Variants in NAV2 observed in about 807,000 individuals in gnomAD.
NAV2 encodes the protein neuron navigator 2.
A neutral mutation model predicts 223.2 loss-of-function variants in NAV2; 54 were observed. The observed-to-expected ratio is 0.24, with a 90% CI of 0.19 to 0.30. The LOEUF is 0.30. Ranked by LOEUF, NAV2 falls within the 10% of genes least tolerant of loss-of-function variation. NAV2 has a pLI of 1.00. For missense variants in NAV2, 2,806 were observed against 3,147.5 expected (o/e 0.89, Z 2.60); for synonymous variants, 1,279 against 1,239.3 (o/e 1.03, Z -0.67).
chr11:20,068,379 C>T lies in NAV2; in HGVS notation c.4964C>T (p.Thr1655Ile). 6.2e-7 allele frequency: 1 copy of T among 1,613,840 alleles called. No homozygotes were observed. Among genetic ancestry groups the T allele is most frequent in the East Asian group, 2.2e-5 (1 of 44,888 alleles). The change falls in exon 22 of 38, where the codon ACC (threonine) becomes ATC (isoleucine). Residue 1655 changes from threonine (T) to isoleucine (I), a missense_variant. Coordinates refer to ENST00000349880, the MANE Select transcript of NAV2 (RefSeq NM_145117.5). ...DASQEKVSAL[T>I]TQLTANAHLV... ...TCCCAGGAGAAAGTTTCAGCTTTGA[C>T]CACCCAGCTGACAGCAAATGTAAGT...
chr11:19,800,306 G>A (rs2058164941), intron 1 of NAV2, among the ~76,000 whole-genome samples: 1 of 152,138 alleles, frequency 6.6e-6, no homozygotes, highest in African/African-American at 2.4e-5. Context: ...CTAGCACTTG[G>A]GGAGCAGCCC....
chr11:19,668,201 T>G (rs954584072), intron 1 of NAV2, among the ~76,000 whole-genome samples: 1 of 152,198 alleles, frequency 6.6e-6, no homozygotes, highest in Non-Finnish European at 1.5e-5. Flanking sequence ...ATATAAGATT[T>G]GCATTTCACA....
Position 19,713,646 on chromosome 11 carries a change from C to T in NAV2, c.-50C>T. On this transcript the variant is annotated 5_prime_UTR_variant, in exon 1 of 38. Transcript: ENST00000349880. This position sits in a 1 kb window ranked among gnomAD's most constrained non-coding sequence, Gnocchi z 7.2. ...CCCGCGCTGCCTTTAGCGGTCGCCC[C>T]CGCCGCCGCTGCCAGGGACGTGCTG... 6.7e-7 allele frequency: 1 copy of T among 1,497,000 alleles called. No individual in the cohort carries two copies. The highest frequency in any genetic ancestry group is 8.9e-7 in the Non-Finnish European group (1 of 1,122,816). 92.7% of individuals were successfully genotyped at this position (1,497,000 alleles called of 1,614,324 possible). A position where few individuals can be genotyped will look rare whatever the true frequency, so the allele number is the denominator to read the frequency against.
At chr11:19,585,683 C>G (rs926696632) in intron 1 of NAV2, among the ~76,000 whole-genome samples, 1 of 152,316 alleles carries the variant, frequency 6.6e-6, no homozygotes, top group East Asian at 1.9e-4. Context: ...AAATTCTTTT[C>G]TTTAAGAATG....
intron 35 of NAV2, chr11:20,107,150 T>C (rs1472550658): frequency 3.9e-5 from 5 of 127,148 alleles, no homozygotes; most frequent in African/African-American, 1.2e-4. Flanking sequence ...CAATCTCGGC[T>C]CACTGCAAGC....
chr11:19,437,417 A>G (rs531751862), intron 1 of NAV2, among the ~76,000 whole-genome samples: 5 of 152,244 alleles, frequency 3.3e-5, no homozygotes, highest in South Asian at 2.1e-4. Flanking sequence ...AAGTGTTAAT[A>G]TATACAATCT....
intron 1 of NAV2, among the ~76,000 whole-genome samples, chr11:19,673,875 G>T (rs1241922646): frequency 6.6e-6 from 1 of 152,164 alleles, no homozygotes; most frequent in African/African-American, 2.4e-5. Flanking sequence ...ACAGACCCAA[G>T]ATGACTTGAA....
chr11:20,032,946 G>C (rs1002538718), intron 11 of NAV2, among the ~76,000 whole-genome samples: 9 of 152,156 alleles, frequency 5.9e-5, no homozygotes, highest in Admixed American at 6.5e-5. Flanking sequence ...AGTCCTCACG[G>C]CCTCAGTTTC....
intron 1 of NAV2, 62 bp from the exon 2 acceptor site, chr11:19,832,422 C>A: frequency 7.5e-7 from 1 of 1,327,320 alleles, no homozygotes; most frequent in Non-Finnish European, 1.1e-6. Context: ...CGAGCAGCTG[C>A]CTCAGACTCT....
At chr11:19,787,278 T>A in intron 1 of NAV2, among the ~76,000 whole-genome samples, 1 of 136,226 alleles carries the variant, frequency 7.3e-6, no homozygotes, top group African/African-American at 2.9e-5. Context: ...ATCTTTTTTT[T>A]TTTTTTTTTT....
At chr11:19,351,209 A>G (rs1853289611) in intron 1 of NAV2, among the ~76,000 whole-genome samples, 1 of 152,204 alleles carries the variant, frequency 6.6e-6, no homozygotes, top group Admixed American at 6.5e-5. Context: ...GGTAGGCAAG[A>G]AGAAAGATAA....
chr11:19,645,744 G>T (rs958692291), intron 1 of NAV2, among the ~76,000 whole-genome samples: 4 of 151,852 alleles, frequency 2.6e-5, no homozygotes, highest in African/African-American at 7.3e-5. Context: ...TGCGTTTTTT[G>T]CCATTACTTT....
chr11:19,991,751 G>A (rs139250363), intron 11 of NAV2, among the ~76,000 whole-genome samples: 1 of 152,150 alleles, frequency 6.6e-6, no homozygotes, highest in Non-Finnish European at 1.5e-5. Flanking sequence ...GCTTCCTACT[G>A]GCCCAAGTGA....
intron 12 of NAV2, among the ~76,000 whole-genome samples, chr11:20,039,793 G>A (rs2056745054): frequency 6.6e-6 from 1 of 152,168 alleles, no homozygotes; most frequent in African/African-American, 2.4e-5. Flanking sequence ...CATATGCGGA[G>A]GAAAAAGATA....
At chr11:19,663,014 G>A (rs994608192) in intron 1 of NAV2, among the ~76,000 whole-genome samples, 31 of 152,224 alleles carry the variant, frequency 2.0e-4, no homozygotes, top group African/African-American at 6.7e-4. Flanking sequence ...GTAAGGATAA[G>A]CCATTTGCCT....
chr11:19,962,883 A>G (rs575977389), intron 10 of NAV2, among the ~76,000 whole-genome samples: 1 of 152,314 alleles, frequency 6.6e-6, no homozygotes, highest in South Asian at 2.1e-4. Context: ...GTCTGTGGTT[A>G]TCTCCACTGC....
chr11:19,769,333 T>C (rs1173289750), intron 1 of NAV2, among the ~76,000 whole-genome samples: 3 of 152,214 alleles, frequency 2.0e-5, no homozygotes, highest in African/African-American at 7.2e-5. Flanking sequence ...ACCAATGCAA[T>C]GTCATGGACC....
In NAV2 at chr11:19,955,150, C is replaced by T. The variant is rs545265030; in HGVS notation, c.2645+6070C>T. ...GGCTGGGCATGGTGACTCACATCTG[C>T]AATCCCAGCACTTTGGGAGGCTGAG... On this transcript the variant is annotated intron_variant, in intron 10 of 37. Transcript: ENST00000349880. Among the ~76,000 whole-genome samples the T allele has an allele frequency of 5.3e-4, 81 of 152,150 alleles. 1 individual carries two copies. In the South Asian group the frequency reaches 0.016, roughly 30 times the overall value.
chr11:20,067,581 C>A lies in NAV2; in HGVS notation c.4885-605C>A, dbSNP rs373637092. On this transcript the variant is annotated intron_variant, in intron 20 of 37. Coordinates refer to ENST00000349880, the MANE Select transcript of NAV2 (RefSeq NM_145117.5). ...CAATCTCCACCTCCTGGGTTCAAGCCATTCTCCTGCCTCAGCCTCCCAAGT... is the reference window on the plus strand; with the variant it reads ...CAATCTCCACCTCCTGGGTTCAAGCAATTCTCCTGCCTCAGCCTCCCAAGT... 8.6e-5 allele frequency among the ~76,000 whole-genome samples: 13 copies of A among 151,860 alleles called. No individual in the cohort carries two copies. In the East Asian group the frequency reaches 1.9e-3, roughly 23 times the overall value.
Sources: gnomAD v4.1 joint callset for allele counts (sites outside exome capture counted in the v4.1 genomes callset) on GRCh38, gnomAD v4.1.1 for gene constraint, Gnocchi (gnomAD v3.1) non-coding constraint, MANE v1.5 for transcripts, NCBI Gene and HGNC (gene_info 2026-07-23, HGNC 2026-07-21) for gene names.